The following GPM6A variants were observed in gnomAD, a reference collection of about 807,000 sequenced individuals.
GPM6A encodes glycoprotein M6A, also known as neuronal membrane glycoprotein M6-a.
In GPM6A, 7 loss-of-function variants were observed where a neutral mutation model predicts 32.1. The observed-to-expected ratio is 0.22, with a 90% CI of 0.12 to 0.41. The LOEUF is 0.41. Among genes scored for constraint, GPM6A ranks in the 10% least tolerant of loss-of-function variants. The probability of loss-of-function intolerance (pLI) is 1.00; values close to 1 mark genes in which losing one functional copy is unlikely to be tolerated. For missense variants in GPM6A, 235 were observed against 347.2 expected, an observed-to-expected ratio of 0.68 and a Z score of 2.57; for synonymous variants, 130 against 123.4, an observed-to-expected ratio of 1.05 and a Z score of -0.35.
intron 1 of GPM6A, among the ~76,000 whole-genome samples, chr4:175,991,485 T>C (rs1173376925): frequency 1.3e-5 from 2 of 152,120 alleles, no homozygotes; most frequent in Non-Finnish European, 2.9e-5. Context: ...TTTTATACTA[T>C]TTAGTAAGAA....
chr4:175,757,826 T>C (rs899535242), intron 1 of GPM6A, among the ~76,000 whole-genome samples: 10 of 152,136 alleles, frequency 6.6e-5, no homozygotes, highest in Admixed American at 4.6e-4. Flanking sequence ...CTTGGTTGAC[T>C]GAACAAAGAA....
intron 1 of GPM6A, among the ~76,000 whole-genome samples, chr4:175,702,294 G>T (rs957808577): frequency 1.3e-5 from 2 of 152,074 alleles, no homozygotes; most frequent in African/African-American, 4.8e-5. Flanking sequence ...GATATCCACC[G>T]CCTAAAATAT....
chr4:175,768,327 T>C (rs543660868), intron 1 of GPM6A, among the ~76,000 whole-genome samples: 3 of 152,242 alleles, frequency 2.0e-5, no homozygotes, highest in Middle Eastern at 3.4e-3. Context: ...AGGAAATATA[T>C]CAGTTTTGTG....
intron 1 of GPM6A, among the ~76,000 whole-genome samples, chr4:175,997,309 C>T (rs1013189125): frequency 2.0e-5 from 3 of 152,084 alleles, no homozygotes; most frequent in Admixed American, 1.3e-4. Flanking sequence ...TATCTTCTTC[C>T]GCTGAGGTTG....
rs188986603 is a variant in GPM6A, at chr4:175,736,477, G to A, written c.38-34710C>T. On this transcript the variant is annotated intron_variant, in intron 1 of 6. Coordinates refer to ENST00000393658, the MANE Select transcript of GPM6A (RefSeq NM_201591.3). ...TTATCTTTGTGCACAAAATATTAAC[G>A]ATATCAAGGTTTTCTTTAAAAAAAT... Among the ~76,000 whole-genome samples the A allele has an allele frequency of 6.6e-5, 10 of 152,004 alleles. No individual in the cohort carries two copies. In the East Asian group the frequency reaches 1.5e-3, roughly 24 times the overall value.
chr4:175,729,868 T>C (rs1442322426), intron 1 of GPM6A, among the ~76,000 whole-genome samples: 1 of 145,510 alleles, frequency 6.9e-6, no homozygotes, highest in Admixed American at 6.9e-5. Flanking sequence ...GTATTTAATG[T>C]ATTTAATAAT....
intron 1 of GPM6A, among the ~76,000 whole-genome samples, chr4:175,878,355 T>C (rs1376566396): frequency 6.6e-6 from 1 of 152,162 alleles, no homozygotes; most frequent in Non-Finnish European, 1.5e-5. Flanking sequence ...TAGCAGAGGT[T>C]CTCTGTGAGT....
chr4:175,659,889 A>T (rs1012611587), intron 3 of GPM6A, among the ~76,000 whole-genome samples: 1 of 152,206 alleles, frequency 6.6e-6, no homozygotes, highest in African/African-American at 2.4e-5. Context: ...ATATCTTACC[A>T]TGTGTTTATC....
At chr4:175,991,739 A>G (rs2126461319) in intron 1 of GPM6A, among the ~76,000 whole-genome samples, 1 of 152,298 alleles carries the variant, frequency 6.6e-6, no homozygotes, top group East Asian at 1.9e-4. Context: ...GAATAAGCAA[A>G]CACTGAGTTA....
At chr4:175,914,778 G>T (rs1471297056) in intron 1 of GPM6A, among the ~76,000 whole-genome samples, 1 of 152,136 alleles carries the variant, frequency 6.6e-6, no homozygotes, top group East Asian at 1.9e-4. Flanking sequence ...CTTCTATCTT[G>T]CAGCTATCTG....
chr4:175,788,772 C>T (rs1419117438), intron 1 of GPM6A, among the ~76,000 whole-genome samples: 1 of 152,062 alleles, frequency 6.6e-6, no homozygotes, highest in Non-Finnish European at 1.5e-5. Flanking sequence ...TTAAACCTAT[C>T]CACCCTTTAA....
chr4:175,807,067 G>A (rs1489991704), intron 1 of GPM6A: 1 of 152,234 alleles, frequency 6.6e-6, no homozygotes, highest in South Asian at 2.1e-4. Context: ...TATTTTCTTA[G>A]CCACTAGTCT....
At chr4:175,794,069 T>G (rs184766798) in intron 1 of GPM6A, among the ~76,000 whole-genome samples, 6 of 152,324 alleles carry the variant, frequency 3.9e-5, no homozygotes, top group Admixed American at 3.9e-4. Flanking sequence ...ACCATTTTCC[T>G]TCTAGAGTAA....
At chr4:175,740,107 A>G (rs1310305230) in intron 1 of GPM6A, among the ~76,000 whole-genome samples, 1 of 152,064 alleles carries the variant, frequency 6.6e-6, no homozygotes. Context: ...AGAAACATAT[A>G]CTAAATTTAG....
At chr4:175,771,529 G>A (rs1367242944) in intron 1 of GPM6A, among the ~76,000 whole-genome samples, 1 of 145,638 alleles carries the variant, frequency 6.9e-6, no homozygotes, top group Non-Finnish European at 1.5e-5. Context: ...TCCAGCCTGG[G>A]CGACAGAGTG....
At chr4:175,668,576 C>T (rs1022407607) in intron 3 of GPM6A, among the ~76,000 whole-genome samples, 3 of 83,072 alleles carry the variant, frequency 3.6e-5, no homozygotes, top group African/African-American at 9.9e-5. Context: ...TAGGGATAGT[C>T]TAGAATGCAG....
chr4:175,982,352 C>G (rs1019403966), intron 1 of GPM6A, among the ~76,000 whole-genome samples: 4 of 152,052 alleles, frequency 2.6e-5, no homozygotes, highest in African/African-American at 9.7e-5. Context: ...CCTTTGCTTT[C>G]TCTTAAAAGC....
At chr4:175,674,508 T>G (rs953147483) in intron 2 of GPM6A, among the ~76,000 whole-genome samples, 20 of 152,192 alleles carry the variant, frequency 1.3e-4, no homozygotes, top group Non-Finnish European at 2.4e-4. Flanking sequence ...TATCATATGA[T>G]TTCTCTAATT....
At chr4:175,812,125 T>C in intron 1 of GPM6A, 66 bp downstream of exon 1, 1 of 1,233,546 alleles carries the variant, frequency 8.1e-7, no homozygotes, top group Non-Finnish European at 1.2e-6. Flanking sequence ...CTGGCAAGTG[T>C]CTAAAGCAAA....
Sources: allele counts gnomAD v4.1 joint callset (sites outside exome capture counted in the v4.1 genomes callset), GRCh38; gene constraint gnomAD v4.1.1; transcripts MANE v1.5; gene names NCBI Gene and HGNC (gene_info 2026-07-23, HGNC 2026-07-21).